The following RIC1 variants were observed in gnomAD, a reference collection of about 807,000 sequenced individuals.
RIC1 encodes the protein RIC1 partner of RAB6A GEF complex, also known as guanine nucleotide exchange factor subunit RIC1.
A neutral mutation model predicts 169.0 loss-of-function variants in RIC1; 88 were observed. The observed-to-expected ratio is 0.52, with a 90% CI of 0.44 to 0.62. The LOEUF is 0.62. Among genes scored for constraint, RIC1 ranks in the 20% least tolerant of loss-of-function variants. The pLI is 0.00. For synonymous variants in RIC1, 790 were observed against 601.5 expected, an observed-to-expected ratio of 1.31 and a Z score of -4.59; for missense variants, 1,877 against 1,725.5, an observed-to-expected ratio of 1.09 and a Z score of -1.56.
At chr9:5,692,474 A>G (rs1301136762) in intron 3 of RIC1, among the ~76,000 whole-genome samples, 2 of 152,070 alleles carry the variant, frequency 1.3e-5, no homozygotes, top group Admixed American at 1.3e-4. Flanking sequence ...TAATTTTTAA[A>G]TATATACATA....
chr9:5,757,844 A>T (rs549880781), intron 17 of RIC1, among the ~76,000 whole-genome samples: 17 of 152,308 alleles, frequency 1.1e-4, no homozygotes, highest in African/African-American at 4.1e-4. Context: ...CCCATAGACA[A>T]GGCAGAACAT....
intron 14 of RIC1, among the ~76,000 whole-genome samples, chr9:5,753,887 C>G (rs1563951971): frequency 6.6e-6 from 1 of 152,144 alleles, no homozygotes; most frequent in Non-Finnish European, 1.5e-5. Context: ...AGATCGGTAA[C>G]TATAATTCCT....
rs377023838 is a variant in RIC1, at chr9:5,664,493, TG to T, written c.252+7806del. Among the ~76,000 whole-genome samples the T allele has an allele frequency of 6.0e-3, 920 of 152,296 alleles. 11 individuals carry two copies. Among genetic ancestry groups the T allele is most frequent in the African/African-American group, 0.021 (875 of 41,554 alleles). On this transcript the variant is annotated intron_variant, in intron 2 of 25. Transcript: ENST00000414202. ...ACTGAGAGGTCTATTGTTAGTCTCA[TG>T]GGCCTCCCCTTCGTAGGTGACCTGG...
chr9:5,638,817 A>G (rs1818098829), intron 1 of RIC1, among the ~76,000 whole-genome samples: 2 of 151,998 alleles, frequency 1.3e-5, no homozygotes, highest in South Asian at 4.2e-4. Flanking sequence ...AAGTTAATTT[A>G]TTTCTGCTCC....
intron 3 of RIC1, among the ~76,000 whole-genome samples, chr9:5,707,248 T>C (rs541786889): frequency 7.8e-4 from 119 of 152,304 alleles, no homozygotes; most frequent in Non-Finnish European, 1.5e-3. Context: ...GAAGATACTT[T>C]ATGTGCTTTC....
In RIC1 at chr9:5,629,230, G is replaced by C; in HGVS notation, c.-80G>C. Reference sequence around the variant, plus strand: ...CGCCGCCGCCGACTCGGCCGGTGGCGGTGTGGGAGGTGGGCGACCAGCCCG... The same window carrying C: ...CGCCGCCGCCGACTCGGCCGGTGGCCGTGTGGGAGGTGGGCGACCAGCCCG... On this transcript the variant is annotated 5_prime_UTR_variant, in exon 1 of 26. Transcript: ENST00000414202. The C allele has an allele frequency of 8.0e-7, 1 of 1,256,516 alleles. No homozygotes were observed. Among genetic ancestry groups the C allele is most frequent in the Non-Finnish European group, 1.0e-6 (1 of 992,692 alleles). 77.8% of individuals were successfully genotyped at this position (1,256,516 alleles called of 1,614,324 possible).
intron 3 of RIC1, among the ~76,000 whole-genome samples, chr9:5,702,767 G>A (rs559899989): frequency 1.1e-3 from 167 of 152,154 alleles, no homozygotes; most frequent in African/African-American, 3.7e-3. Context: ...GGCTGGTCTC[G>A]AACTCCTGAG....
At chr9:5,729,108 G>T (rs933013674) in intron 6 of RIC1, among the ~76,000 whole-genome samples, 2 of 152,258 alleles carry the variant, frequency 1.3e-5, no homozygotes, top group East Asian at 3.9e-4. Context: ...GGCTACCCCA[G>T]TATTCTGGGA....
At position 5,763,903 on chromosome 9, in the gene RIC1, A is replaced by T. The variant is rs556108198; in HGVS notation, c.2841+35A>T. The T allele has an allele frequency of 6.4e-7, 1 of 1,567,722 alleles. No homozygotes were observed. The highest frequency in any genetic ancestry group is 2.3e-5 in the East Asian group (1 of 44,328). The stretch of plus-strand genomic sequence containing the variant: ...CTCTTCTTATAAAGGGGCAAGAATT[A>T]ATGAGCTTAAACTTAGAAAAATAGA... On this transcript the variant is annotated intron_variant, in intron 19 of 25. Transcript: ENST00000414202. This position sits in a 1 kb window ranked among gnomAD's most constrained non-coding sequence, Gnocchi z 5.2.
rs775259283 is a variant in RIC1, at chr9:5,753,194, C to T, written c.1453-6C>T. ...TTTTACCAATCTGATGTGTTATTTT[C>T]TATAGATTTCCAGCACCTATCTAGA... On this transcript the variant is annotated splice_region_variant and splice_polypyrimidine_tract_variant and intron_variant, in intron 12 of 25. Coordinates refer to ENST00000414202, the MANE Select transcript of RIC1 (RefSeq NM_020829.4). 6.2e-7 allele frequency: 1 copy of T among 1,609,778 alleles called. No individual in the cohort carries two copies. The highest frequency in any genetic ancestry group is 8.5e-7 in the Non-Finnish European group (1 of 1,176,182).
chr9:5,650,934 T>C (rs904644520), intron 1 of RIC1, among the ~76,000 whole-genome samples: 7 of 152,152 alleles, frequency 4.6e-5, no homozygotes, highest in Admixed American at 4.6e-4. Flanking sequence ...GCTTTACTAA[T>C]GTGGAAATGC....
At chr9:5,705,654 T>C (rs374118495) in intron 3 of RIC1, among the ~76,000 whole-genome samples, 47 of 152,230 alleles carry the variant, frequency 3.1e-4, no homozygotes, top group Admixed American at 5.2e-4. Context: ...CTGTCTAGAA[T>C]GTCCAGTATT....
rs1487311681 is a variant in RIC1, at chr9:5,776,321, G to A, written c.*2075G>A. Reference sequence around the variant, plus strand: ...TTTTTAAAAACCCATTTTTATTGTGGTGTTTGGTTCACATATCAACTGTTT... The same window carrying A: ...TTTTTAAAAACCCATTTTTATTGTGATGTTTGGTTCACATATCAACTGTTT... On this transcript the variant is annotated 3_prime_UTR_variant, in exon 26 of 26. Coordinates refer to ENST00000414202, the MANE Select transcript of RIC1 (RefSeq NM_020829.4). The A allele has an allele frequency of 6.6e-6, 1 of 151,942 alleles. No homozygotes were observed. Among genetic ancestry groups the A allele is most frequent in the East Asian group, 1.9e-4 (1 of 5,198 alleles). The allele number at this position is 151,942 out of a possible 1,614,324, so 9.4% of individuals were successfully genotyped here.
chr9:5,726,628 G>C (rs1434280778), intron 6 of RIC1, among the ~76,000 whole-genome samples: 2 of 152,178 alleles, frequency 1.3e-5, no homozygotes, highest in African/African-American at 4.8e-5. Context: ...CACATTAGTT[G>C]ATGCAGTTTC....
intron 1 of RIC1, among the ~76,000 whole-genome samples, chr9:5,630,378 G>GT (rs1421861825): frequency 6.6e-6 from 1 of 152,208 alleles, no homozygotes; most frequent in Admixed American, 6.5e-5. Context: ...TCAGAGTGAA[G>GT]TTTTTCTCCT....
chr9:5,652,455 T>C (rs1352984991), intron 1 of RIC1, among the ~76,000 whole-genome samples: 1 of 152,224 alleles, frequency 6.6e-6, no homozygotes, highest in African/African-American at 2.4e-5. Flanking sequence ...TTGGGTTTTT[T>C]TATAGCTATT....
chr9:5,736,185 C>G (rs1419055283), intron 7 of RIC1, among the ~76,000 whole-genome samples: 1 of 152,186 alleles, frequency 6.6e-6, no homozygotes, highest in East Asian at 1.9e-4. Flanking sequence ...AGATGCAAAG[C>G]AAAAACAAAC....
intron 3 of RIC1, among the ~76,000 whole-genome samples, chr9:5,693,431 G>C (rs1306564098): frequency 1.3e-5 from 2 of 152,224 alleles, no homozygotes; most frequent in Middle Eastern, 6.8e-3. Flanking sequence ...TTGGGAGTCA[G>C]TCTATAACAA....
chr9:5,716,905 C>T (rs977050032), intron 4 of RIC1, among the ~76,000 whole-genome samples: 13 of 152,178 alleles, frequency 8.5e-5, no homozygotes, highest in African/African-American at 3.1e-4. Context: ...CTCCTGGGCT[C>T]AAGCATTCCT....
Sources: allele counts gnomAD v4.1 joint callset (sites outside exome capture counted in the v4.1 genomes callset), GRCh38; gene constraint gnomAD v4.1.1; non-coding constraint Gnocchi (gnomAD v3.1); transcripts MANE v1.5; gene names NCBI Gene and HGNC (gene_info 2026-07-23, HGNC 2026-07-21).